Variants in NTNG1 observed in about 807,000 individuals in gnomAD.
NTNG1 encodes netrin-G1.
In NTNG1, 16 loss-of-function variants were observed where a neutral mutation model predicts 54.0. The observed-to-expected ratio is 0.30, with a 90% CI of 0.20 to 0.45. The LOEUF (loss-of-function observed/expected upper bound fraction) is 0.45. NTNG1 is among the 20% of genes least tolerant of loss of function. NTNG1 has a pLI of 1.00. For synonymous variants in NTNG1, 255 were observed against 263.1 expected, an observed-to-expected ratio of 0.97 and a Z score of 0.30; for missense variants, 530 against 678.7, an observed-to-expected ratio of 0.78 and a Z score of 2.43.
chr1:107,242,647 G>T lies in NTNG1; in HGVS notation c.247-81635G>T, dbSNP rs117456247. Reference sequence around the variant, plus strand: ...TTCACTGTCATCCTAACCTTGTGCTGTACTTATAAGGTAGTTGCTGTATTT... The same window carrying T: ...TTCACTGTCATCCTAACCTTGTGCTTTACTTATAAGGTAGTTGCTGTATTT... On this transcript the variant is annotated intron_variant, in intron 2 of 7. Transcript: ENST00000370068. Among the ~76,000 whole-genome samples the T allele has an allele frequency of 6.1e-4, 93 of 152,250 alleles. No homozygotes were observed. The East Asian group carries it at 0.017, about 28-fold the overall frequency.
At chr1:107,284,236 A>G (rs1410716350) in intron 2 of NTNG1, among the ~76,000 whole-genome samples, 1 of 152,120 alleles carries the variant, frequency 6.6e-6, no homozygotes, top group Non-Finnish European at 1.5e-5. Context: ...AAGAGCAAAT[A>G]AAGTAACTAT....
intron 3 of NTNG1, among the ~76,000 whole-genome samples, chr1:107,369,185 G>T (rs1670772838): frequency 6.6e-6 from 1 of 151,880 alleles, no homozygotes; most frequent in African/African-American, 2.4e-5. Flanking sequence ...CCAGTTTTTG[G>T]CTATTACAAG....
Position 107,482,354 on chromosome 1 carries a change from C to T in NTNG1, c.*1514C>T, listed in dbSNP as rs184687164. The T allele has an allele frequency of 7.2e-5, 11 of 152,290 alleles. No individual in the cohort carries two copies. The highest frequency in any genetic ancestry group is 1.0e-4 in the Non-Finnish European group (7 of 68,032). The allele number at this position is 152,290 out of a possible 1,614,324, so 9.4% of individuals were successfully genotyped here. Reference sequence around the variant, plus strand: ...GAGGAAATATCAAAATATAAAGCAGCAAGTAGACATAACTGCTGTTCCTGA... The same window carrying T: ...GAGGAAATATCAAAATATAAAGCAGTAAGTAGACATAACTGCTGTTCCTGA... On this transcript the variant is annotated 3_prime_UTR_variant, in exon 8 of 8. Coordinates refer to ENST00000370068, the MANE Select transcript of NTNG1 (RefSeq NM_001113226.3).
chr1:107,213,013 T>C (rs1659695174), intron 2 of NTNG1, among the ~76,000 whole-genome samples: 1 of 151,658 alleles, frequency 6.6e-6, no homozygotes, highest in African/African-American at 2.4e-5. Context: ...TGGTGAATGC[T>C]AAGATTTATA....
intron 2 of NTNG1, among the ~76,000 whole-genome samples, chr1:107,278,970 A>G (rs1664660081): frequency 6.6e-6 from 1 of 152,162 alleles, no homozygotes; most frequent in African/African-American, 2.4e-5. Context: ...ATTTTGTGCT[A>G]TAACCATAAC....
At chr1:107,291,131 C>T (rs1368750831) in intron 2 of NTNG1, among the ~76,000 whole-genome samples, 2 of 151,626 alleles carry the variant, frequency 1.3e-5, no homozygotes, top group Non-Finnish European at 2.9e-5. Flanking sequence ...CCAACCCATC[C>T]TTTGCCTCCC....
At chr1:107,247,650 C>T (rs76200389) in intron 2 of NTNG1, among the ~76,000 whole-genome samples, 4,684 of 152,214 alleles carry the variant, frequency 0.031, 219 homozygotes, top group African/African-American at 0.11. Flanking sequence ...TTTTCTTTGT[C>T]GGGTTCCTGA....
intron 3 of NTNG1, among the ~76,000 whole-genome samples, chr1:107,356,851 AAGTT>A (rs1466243487): frequency 6.6e-6 from 1 of 151,986 alleles, no homozygotes; most frequent in African/African-American, 2.4e-5. Context: ...AAATATATAA[AAGTT>A]AGCCGGGCAT....
intron 2 of NTNG1, among the ~76,000 whole-genome samples, chr1:107,315,856 C>T (rs893623466): frequency 6.6e-6 from 1 of 152,108 alleles, no homozygotes; most frequent in African/African-American, 2.4e-5. Context: ...AGCACAGTGT[C>T]TGTCATATCC....
intron 2 of NTNG1, among the ~76,000 whole-genome samples, chr1:107,246,494 C>T (rs1398031789): frequency 4.0e-5 from 6 of 151,696 alleles, no homozygotes; most frequent in Non-Finnish European, 7.4e-5. Flanking sequence ...ATATTAATCC[C>T]TGTTTTACAA....
chr1:107,359,956 C>T (rs973999943), intron 3 of NTNG1, among the ~76,000 whole-genome samples: 4 of 152,124 alleles, frequency 2.6e-5, no homozygotes, highest in Non-Finnish European at 5.9e-5. Context: ...ATCTGGTCCC[C>T]AGATATATCT....
chr1:107,238,077 C>T (rs1340660274), intron 2 of NTNG1, among the ~76,000 whole-genome samples: 2 of 152,158 alleles, frequency 1.3e-5, no homozygotes, highest in Non-Finnish European at 2.9e-5. Flanking sequence ...CCCTTGAAAG[C>T]AGCCAGGAGG....
chr1:107,230,467 G>A (rs1661000079), intron 2 of NTNG1, among the ~76,000 whole-genome samples: 1 of 152,134 alleles, frequency 6.6e-6, no homozygotes, highest in African/African-American at 2.4e-5. Context: ...GGCTAAGAGT[G>A]GGTACAGTGC....
chr1:107,426,366 C>G (rs1183156222), intron 5 of NTNG1, among the ~76,000 whole-genome samples: 2 of 151,930 alleles, frequency 1.3e-5, no homozygotes, highest in Non-Finnish European at 2.9e-5. Context: ...GATAGAGGTT[C>G]AGTTTCATTT....
chr1:107,198,850 A>G (rs12116703), intron 2 of NTNG1, among the ~76,000 whole-genome samples: 1 of 151,770 alleles, frequency 6.6e-6, no homozygotes, highest in Non-Finnish European at 1.5e-5. Flanking sequence ...TGGCTCATGG[A>G]GTGTTTAGTC....
intron 2 of NTNG1, among the ~76,000 whole-genome samples, chr1:107,164,949 G>A (rs567244822): frequency 2.6e-4 from 39 of 152,254 alleles, no homozygotes; most frequent in African/African-American, 8.4e-4. Flanking sequence ...TGTTGGCTAG[G>A]GTTGGACCGC....
At chr1:107,450,708 G>T (rs1558009049) in intron 7 of NTNG1, among the ~76,000 whole-genome samples, 1 of 152,028 alleles carries the variant, frequency 6.6e-6, no homozygotes, top group South Asian at 2.1e-4. Context: ...CAAAATCAAT[G>T]CCATTTAGTC....
At chr1:107,281,548 G>A (rs759491072) in intron 2 of NTNG1, among the ~76,000 whole-genome samples, 101 of 152,088 alleles carry the variant, frequency 6.6e-4, no homozygotes, top group Admixed American at 2.3e-3. Flanking sequence ...AGAACTGTGA[G>A]GAAATGAACC....
chr1:107,150,106 A>G (rs1197296108), intron 2 of NTNG1, among the ~76,000 whole-genome samples: 58 of 152,292 alleles, frequency 3.8e-4, no homozygotes, highest in Non-Finnish European at 5.9e-5. Context: ...TTTGAATTAT[A>G]GTCTAAACCT....
Sources: gnomAD v4.1 joint callset for allele counts (sites outside exome capture counted in the v4.1 genomes callset) on GRCh38, gnomAD v4.1.1 for gene constraint, MANE v1.5 for transcripts, NCBI Gene and HGNC (gene_info 2026-07-23, HGNC 2026-07-21) for gene names.